The following TMEM232 variants were observed in gnomAD, a reference collection of about 807,000 sequenced individuals.
TMEM232 encodes transmembrane protein 232.
TMEM232 carries 80 observed loss-of-function variants against 78.8 expected under a neutral mutation model. The observed-to-expected ratio is 1.01, with a 90% CI of 0.85 to 1.22. The LOEUF (loss-of-function observed/expected upper bound fraction) is 1.22, where lower values mean the gene tolerates loss of function less well. Ranked by LOEUF, TMEM232 falls within the 50% of genes most tolerant of loss-of-function variation. TMEM232 has a pLI of 0.00. For synonymous variants in TMEM232, 297 were observed against 254.3 expected (o/e 1.17, Z -1.60); for missense variants, 881 against 742.2 (o/e 1.19, Z -2.17).
At chr5:110,411,954 T>G (rs1278405875) in intron 2 of TMEM232, among the ~76,000 whole-genome samples, 1 of 152,114 alleles carries the variant, frequency 6.6e-6, no homozygotes, top group Non-Finnish European at 1.5e-5. Flanking sequence ...GAAACATGAT[T>G]TATGAGGGAA....
intron 12 of TMEM232, among the ~76,000 whole-genome samples, chr5:110,494,542 G>A (rs1489157835): frequency 6.6e-6 from 1 of 151,972 alleles, no homozygotes; most frequent in Non-Finnish European, 1.5e-5. Flanking sequence ...GAGGGAAATA[G>A]CATTACCTTT....
chr5:110,573,532 T>C (rs1777199008), intron 10 of TMEM232, among the ~76,000 whole-genome samples: 1 of 152,056 alleles, frequency 6.6e-6, no homozygotes, highest in Non-Finnish European at 1.5e-5. Flanking sequence ...CTGTTCTCTG[T>C]ACTAAAGAAA....
intron 12 of TMEM232, among the ~76,000 whole-genome samples, chr5:110,467,758 T>C (rs1762235043): frequency 6.6e-6 from 1 of 152,200 alleles, no homozygotes; most frequent in African/African-American, 2.4e-5. Flanking sequence ...TAAAAATATA[T>C]TTTCACACAG....
chr5:110,472,121 CAGG>C (rs1267664528), intron 12 of TMEM232, among the ~76,000 whole-genome samples: 1 of 151,790 alleles, frequency 6.6e-6, no homozygotes, highest in Non-Finnish European at 1.5e-5. Context: ...TCCTGATCTG[CAGG>C]AGATGTGATC....
intron 2 of TMEM232, among the ~76,000 whole-genome samples, chr5:110,733,470 G>A (rs1798871979): frequency 6.6e-6 from 1 of 152,058 alleles, no homozygotes; most frequent in Admixed American, 6.6e-5. Context: ...CCATAAATAT[G>A]GTACATGTAC....
chr5:110,656,055 TA>T (rs200743341), intron 2 of TMEM232, among the ~76,000 whole-genome samples: 11,321 of 147,070 alleles, frequency 0.077, 521 homozygotes, highest in South Asian at 0.19. Context: ...TAAAGTATAA[TA>T]AAAAAAAAAC....
At chr5:110,561,935 A>G (rs145030058) in intron 11 of TMEM232, among the ~76,000 whole-genome samples, 2 of 152,202 alleles carry the variant, frequency 1.3e-5, no homozygotes, top group East Asian at 3.9e-4. Context: ...ATCTCCTTGT[A>G]TAAGATTTGC....
intron 12 of TMEM232, among the ~76,000 whole-genome samples, chr5:110,445,069 T>C (rs1048043158): frequency 6.6e-6 from 1 of 152,030 alleles, no homozygotes; most frequent in Non-Finnish European, 1.5e-5. Context: ...TCATTTTCCA[T>C]GGCTGAAAAA....
rs548329162 is a variant in TMEM232 at position 110,699,659 on chromosome 5, G to C, written c.-13+26968C>G. On this transcript the variant is annotated intron_variant, in intron 1 of 13. Coordinates refer to ENST00000455884, the MANE Select transcript of TMEM232 (RefSeq NM_001039763.4). Reference sequence around the variant, plus strand: ...ATATCTTGGAAACCATTTCTCGACTGAAAAAATTATTCAAAGTTTCCACTG... The same window carrying C: ...ATATCTTGGAAACCATTTCTCGACTCAAAAAATTATTCAAAGTTTCCACTG... 2.6e-5 allele frequency among the ~76,000 whole-genome samples: 4 copies of C among 151,914 alleles called. No homozygotes were observed. In the East Asian group the frequency reaches 7.7e-4, roughly 29 times the overall value.
At chr5:110,403,090 T>A (rs1393173896) in intron 2 of TMEM232, among the ~76,000 whole-genome samples, 1 of 152,096 alleles carries the variant, frequency 6.6e-6, no homozygotes, top group Non-Finnish European at 1.5e-5. Context: ...ACAGATTGCC[T>A]TTCATGGATA....
chr5:110,693,752 G>GA (rs1275597601), intron 1 of TMEM232, among the ~76,000 whole-genome samples: 2 of 152,070 alleles, frequency 1.3e-5, no homozygotes, highest in Admixed American at 6.5e-5. Flanking sequence ...GAAGTTTAGA[G>GA]AAAAAAGAAT....
intron 1 of TMEM232, among the ~76,000 whole-genome samples, chr5:110,717,251 T>A (rs772820867): frequency 1.3e-5 from 2 of 151,736 alleles, no homozygotes; most frequent in African/African-American, 4.8e-5. Flanking sequence ...AAATTTTATA[T>A]TCTATTAATA....
chr5:110,647,341 G>C (rs1402423479), intron 2 of TMEM232, among the ~76,000 whole-genome samples: 1 of 151,760 alleles, frequency 6.6e-6, no homozygotes. Context: ...TATAAATTTG[G>C]GTGGACACAA....
chr5:110,392,506 A>G (rs1755236460), intron 3 of TMEM232, among the ~76,000 whole-genome samples: 1 of 152,208 alleles, frequency 6.6e-6, no homozygotes, highest in Non-Finnish European at 1.5e-5. Context: ...TCTCACAGTA[A>G]TGGAGACTGA....
At chr5:110,726,190 CTAAA>C (rs1798141286) in intron 1 of TMEM232, among the ~76,000 whole-genome samples, 1 of 150,522 alleles carries the variant, frequency 6.6e-6, no homozygotes, top group Non-Finnish European at 1.5e-5. Context: ...AGTCTTCATA[CTAAA>C]TAAATAATAA....
intron 12 of TMEM232, among the ~76,000 whole-genome samples, chr5:110,492,782 A>G (rs1490745351): frequency 6.6e-6 from 1 of 152,050 alleles, no homozygotes; most frequent in African/African-American, 2.4e-5. Flanking sequence ...TAGAAAATTG[A>G]TTATATATAA....
intron 4 of TMEM232, 34 bp from the exon 5 acceptor site, chr5:110,638,389 T>C: frequency 6.7e-7 from 1 of 1,496,066 alleles, no homozygotes; most frequent in African/African-American, 1.4e-5. Context: ...CTGCATCATT[T>C]GAAAATCATC....
intron 10 of TMEM232, among the ~76,000 whole-genome samples, chr5:110,599,535 C>T (rs1288360310): frequency 6.6e-6 from 1 of 152,032 alleles, no homozygotes; most frequent in East Asian, 1.9e-4. Context: ...TCTGATGAAA[C>T]AGACTTTAAG....
intron 12 of TMEM232, among the ~76,000 whole-genome samples, chr5:110,426,445 T>C (rs1331990568): frequency 1.3e-5 from 2 of 152,052 alleles, no homozygotes; most frequent in African/African-American, 4.8e-5. Context: ...AACTATGATA[T>C]GCTTTAATAC....
Sources: gnomAD v4.1 joint callset for allele counts (sites outside exome capture counted in the v4.1 genomes callset) on GRCh38, gnomAD v4.1.1 for gene constraint, MANE v1.5 for transcripts, NCBI Gene and HGNC (gene_info 2026-07-23, HGNC 2026-07-21) for gene names.